ANK3: variants seen among roughly 807,000 people sequenced by gnomAD.
ANK3 encodes ankyrin-3.
ANK3 carries 57 observed loss-of-function variants against 370.9 expected under a neutral mutation model. That is an observed-to-expected ratio of 0.15 (90% confidence interval 0.12 to 0.19). The LOEUF (loss-of-function observed/expected upper bound fraction) is 0.19, where lower values mean the gene tolerates loss of function less well. ANK3 is among the 10% of genes least tolerant of loss of function. ANK3 has a pLI of 1.00. For missense variants in ANK3, 4,439 were observed against 5,302.1 expected, an observed-to-expected ratio of 0.84 and a Z score of 5.06; for synonymous variants, 1,929 against 1,946.3, an observed-to-expected ratio of 0.99 and a Z score of 0.23.
chr10:60,437,856 G>A (rs1480562778), intron 2 of ANK3, among the ~76,000 whole-genome samples: 3 of 152,224 alleles, frequency 2.0e-5, no homozygotes, highest in African/African-American at 7.2e-5. Context: ...CACAGAAAGT[G>A]AGACTTGATT....
chr10:60,702,469 T>C (rs1255082331), intron 1 of ANK3, among the ~76,000 whole-genome samples: 3 of 152,204 alleles, frequency 2.0e-5, no homozygotes, highest in Non-Finnish European at 1.5e-5. Context: ...GTTGGGTATA[T>C]ACTGTGGGAT....
chr10:60,266,123 T>C (rs2132657052), intron 5 of ANK3, among the ~76,000 whole-genome samples: 1 of 152,178 alleles, frequency 6.6e-6, no homozygotes, highest in Non-Finnish European at 1.5e-5. Context: ...CCTGAAGCCT[T>C]AAGAAAGATA....
At chr10:60,397,192 T>C (rs556898411) in intron 2 of ANK3, among the ~76,000 whole-genome samples, 4 of 141,588 alleles carry the variant, frequency 2.8e-5, no homozygotes, top group African/African-American at 2.6e-5. Flanking sequence ...GTCATACTTA[T>C]AGTAGGATTA....
chr10:60,188,071 G>A (rs765500050), intron 16 of ANK3, among the ~76,000 whole-genome samples: 3 of 152,098 alleles, frequency 2.0e-5, no homozygotes, highest in African/African-American at 4.8e-5. Context: ...TCTTAAGGGC[G>A]TATATTGTGT....
At chr10:60,257,071 A>G (rs2097750890) in intron 7 of ANK3, among the ~76,000 whole-genome samples, 1 of 152,258 alleles carries the variant, frequency 6.6e-6, no homozygotes, top group Admixed American at 6.5e-5. Context: ...GAACTAATTT[A>G]CGTTCCTACC....
rs193183459 is a variant in ANK3 at position 60,033,372 on chromosome 10, G to C, written c.*20-3546C>G. Among the ~76,000 whole-genome samples, 882 of 151,858 alleles carry C rather than the reference G, an allele frequency of 5.8e-3. 4 individuals are homozygous for C. The highest frequency in any genetic ancestry group is 0.01 in the Non-Finnish European group (680 of 67,932). On this transcript the variant is annotated intron_variant, in intron 43 of 43. Transcript: ENST00000280772. Reference sequence around the variant, plus strand: ...TCTACTAAAAATACAAAAATTGGCCGGGTGAGGTGGCAGGCACCTATAATC... The same window carrying C: ...TCTACTAAAAATACAAAAATTGGCCCGGTGAGGTGGCAGGCACCTATAATC...
intron 1 of ANK3, among the ~76,000 whole-genome samples, chr10:60,385,467 G>T (rs796418939): frequency 5.9e-5 from 9 of 152,084 alleles, no homozygotes; most frequent in African/African-American, 2.2e-4. Flanking sequence ...TCTTCTGGGT[G>T]TTACTGTAGT....
intron 1 of ANK3, among the ~76,000 whole-genome samples, chr10:60,304,474 C>T (rs745761129): frequency 6.6e-6 from 1 of 151,862 alleles, no homozygotes; most frequent in Non-Finnish European, 1.5e-5. Flanking sequence ...GAAACCCTGT[C>T]TCTACTAAAA....
intron 2 of ANK3, among the ~76,000 whole-genome samples, chr10:60,546,186 C>T (rs1274301100): frequency 6.6e-6 from 1 of 152,130 alleles, no homozygotes; most frequent in Non-Finnish European, 1.5e-5. Flanking sequence ...CAGGCATGCA[C>T]CACCATGCCT....
rs113630247 is a variant in ANK3, at chr10:60,717,578, C to G, written c.57+15685G>C. Among the ~76,000 whole-genome samples the G allele has an allele frequency of 8.9e-4, 136 of 152,294 alleles. 1 individual carries two copies. Among genetic ancestry groups the G allele is most frequent in the Middle Eastern group, 6.8e-3 (2 of 294 alleles). ...TAAAAAGAACTTACTATGAACCAAGCACTGAGCTTTACAATTTAGTGTTTA... is the reference window on the plus strand; with the variant it reads ...TAAAAAGAACTTACTATGAACCAAGGACTGAGCTTTACAATTTAGTGTTTA... On this transcript the variant is annotated intron_variant, in intron 1 of 43. Transcript: ENST00000373827.
chr10:60,144,765 A>G (rs2094729940), intron 23 of ANK3, among the ~76,000 whole-genome samples: 1 of 152,214 alleles, frequency 6.6e-6, no homozygotes, highest in African/African-American at 2.4e-5. Flanking sequence ...GTGGTGGGCC[A>G]AATAGGTGTG....
At chr10:60,644,401 C>T (rs2078679368) in intron 1 of ANK3, among the ~76,000 whole-genome samples, 1 of 152,154 alleles carries the variant, frequency 6.6e-6, no homozygotes, top group Admixed American at 6.6e-5. Context: ...AATTTCTGCT[C>T]TAGATTCATG....
rs749047507 is a variant in ANK3, at chr10:60,074,131, G to T, written c.6750C>A (p.Thr2250=). The change falls in exon 37 of 44, where the codon ACC becomes ACA. Residue 2250 remains threonine (T), a synonymous_variant. Coordinates refer to ENST00000280772, the MANE Select transcript of ANK3 (RefSeq NM_020987.5). ...CTGGTGGAGAATGATAAACCATTCT[G>T]GTGGTTGTGGTTATGTGAGTCTCTT... ...VKEETHITTT[T]RMVYHSPPGG... is the part of the protein sequence containing the mutation. 6.2e-7 allele frequency: 1 copy of T among 1,613,748 alleles called. No homozygotes were observed. The highest frequency in any genetic ancestry group is 1.3e-5 in the African/African-American group (1 of 74,882).
intron 2 of ANK3, among the ~76,000 whole-genome samples, chr10:60,603,371 A>T (rs1299989279): frequency 5.3e-5 from 8 of 152,154 alleles, no homozygotes; most frequent in Admixed American, 2.0e-4. Flanking sequence ...TGAGTGTGGC[A>T]TCATGCAATG....
intron 2 of ANK3, among the ~76,000 whole-genome samples, chr10:60,591,765 A>T (rs774573458): frequency 7.2e-5 from 11 of 152,188 alleles, no homozygotes; most frequent in Non-Finnish European, 1.3e-4. Flanking sequence ...AGATCCAGTC[A>T]TTTGCAGCAA....
At chr10:60,623,506 A>G (rs569366873) in intron 1 of ANK3, among the ~76,000 whole-genome samples, 1 of 152,288 alleles carries the variant, frequency 6.6e-6, no homozygotes, top group East Asian at 1.9e-4. Context: ...CCACTTTGAC[A>G]TTTTGTTAGT....
chr10:60,080,618 T>C lies in ANK3; in HGVS notation c.4351A>G (p.Ile1451Val). 1 of 1,576,462 alleles carries C rather than the reference T, an allele frequency of 6.3e-7. No individual in the cohort carries two copies. The change falls in exon 36 of 44, where the codon ATT becomes GTT. Residue 1451 changes from isoleucine (I) to valine (V), a missense_variant and splice_region_variant. Physicochemically the swap from Ile to Val is conservative, Grantham distance 29. Around this residue, in one of 13 missense-constraint regions of ANK3, gnomAD observed 679 missense variants for 791.0 expected, o/e 0.86. Coordinates refer to ENST00000280772, the MANE Select transcript of ANK3 (RefSeq NM_020987.5). ...CTCTGTCGTCTATCTGTTTTCTCAA[T>C]CTGAAAAGGAAAAAAAAAAAGACAA... ...KETESDQDDE[I>V]EKTDRRQSFA... is the part of the protein sequence containing the mutation.
chr10:60,293,863 G>A (rs536443893), intron 1 of ANK3, among the ~76,000 whole-genome samples: 138 of 152,244 alleles, frequency 9.1e-4, no homozygotes, highest in South Asian at 3.5e-3. Context: ...GCTATATTCC[G>A]CTCAGGAAAT....
intron 2 of ANK3, among the ~76,000 whole-genome samples, chr10:60,414,427 T>A (rs900181403): frequency 1.3e-5 from 2 of 152,144 alleles, no homozygotes; most frequent in Admixed American, 6.5e-5. Context: ...TGAAGATCGA[T>A]CTTCAGTGCA....
Sources: gnomAD v4.1 joint callset for allele counts (sites outside exome capture counted in the v4.1 genomes callset) on GRCh38, gnomAD v4.1.1 for gene constraint, gnomAD v4.1.1 regional missense constraint, MANE v1.5 for transcripts, NCBI Gene and HGNC (gene_info 2026-07-23, HGNC 2026-07-21) for gene names.